The following FAM107B variants were observed in gnomAD, a reference collection of about 807,000 sequenced individuals.
The protein encoded by FAM107B is protein FAM107B.
A neutral mutation model predicts 31.5 loss-of-function variants in FAM107B; 21 were observed. The ratio of observed to expected loss-of-function variants is 0.67; its 90% confidence interval spans 0.47 to 0.96. The LOEUF is 0.96. Ranked by LOEUF, FAM107B falls within the 40% of genes least tolerant of loss-of-function variation. FAM107B has a pLI of 0.00. For missense variants in FAM107B, 452 were observed against 377.1 expected (o/e 1.20, Z -1.64); for synonymous variants, 157 against 141.5 (o/e 1.11, Z -0.78).
At chr10:14,632,304 CAAAAAAAAA>C (rs60289509) in intron 2 of FAM107B, among the ~76,000 whole-genome samples, 3 of 56,586 alleles carry the variant, frequency 5.3e-5, no homozygotes, top group Non-Finnish European at 9.6e-5. Context: ...GACTCTGTCT[CAAAAAAAAA>C]AAAAAAAAAA....
chr10:14,729,223 T>C (rs1856107637), intron 1 of FAM107B, among the ~76,000 whole-genome samples: 1 of 152,108 alleles, frequency 6.6e-6, no homozygotes, highest in African/African-American at 2.4e-5. Context: ...GATTTCAAAC[T>C]CCTGACCTGA....
At chr10:14,632,983 G>C (rs1368440853) in intron 2 of FAM107B, among the ~76,000 whole-genome samples, 1 of 152,122 alleles carries the variant, frequency 6.6e-6, no homozygotes, top group East Asian at 1.9e-4. Flanking sequence ...CAGATCACTC[G>C]AGGTCAGGAG....
chr10:14,715,407 A>G (rs182924719), intron 1 of FAM107B, among the ~76,000 whole-genome samples: 1 of 152,344 alleles, frequency 6.6e-6, no homozygotes, highest in East Asian at 1.9e-4. Flanking sequence ...AAAATATAAG[A>G]AAATTAGATC....
chr10:14,559,573 C>CT (rs113934155), intron 2 of FAM107B, among the ~76,000 whole-genome samples: 44,693 of 143,738 alleles, frequency 0.31, 7,126 homozygotes, highest in East Asian at 0.37. Context: ...TTTCAGAGGA[C>CT]TTTTTTTTTT....
intron 1 of FAM107B, among the ~76,000 whole-genome samples, chr10:14,715,984 A>T (rs532921117): frequency 1.3e-5 from 2 of 152,254 alleles, no homozygotes; most frequent in East Asian, 3.9e-4. Flanking sequence ...CCTCCTTATA[A>T]ATCTACATTT....
At chr10:14,701,925 A>C (rs2131525109) in intron 1 of FAM107B, among the ~76,000 whole-genome samples, 1 of 152,344 alleles carries the variant, frequency 6.6e-6, no homozygotes, top group South Asian at 2.1e-4. Flanking sequence ...AAAATCTAAT[A>C]AGACAATTTT....
chr10:14,543,520 C>T (rs571551053), intron 2 of FAM107B, among the ~76,000 whole-genome samples: 233 of 151,998 alleles, frequency 1.5e-3, no homozygotes, highest in African/African-American at 5.2e-3. Flanking sequence ...AGCCCGTTCT[C>T]CAGGCCAAAC....
intron 2 of FAM107B, among the ~76,000 whole-genome samples, chr10:14,607,417 G>A (rs1307540705): frequency 6.6e-6 from 1 of 152,170 alleles, no homozygotes; most frequent in African/African-American, 2.4e-5. Flanking sequence ...GACCCCTGGA[G>A]CCACTGTGGG....
chr10:14,723,672 T>A lies in FAM107B; in HGVS notation c.411+50581A>T. 4 of 744,616 alleles carry A rather than the reference T, an allele frequency of 5.4e-6. No individual in the cohort carries two copies. The South Asian group carries it at 5.5e-5, about 10-fold the overall frequency. 46.1% of individuals were successfully genotyped at this position (744,616 alleles called of 1,614,324 possible). A position where few individuals can be genotyped will look rare whatever the true frequency, so the allele number is the denominator to read the frequency against. ...ACTCTGCGAGAGGCTGGCAGTCAGC[T>A]CTGGGGTCAGTAACCACAAGAAGTC... On this transcript the variant is annotated intron_variant, in intron 1 of 4. Coordinates refer to ENST00000181796, the MANE Select transcript of FAM107B (RefSeq NM_031453.4).
intron 2 of FAM107B, among the ~76,000 whole-genome samples, chr10:14,539,486 G>C (rs1847963092): frequency 6.6e-6 from 1 of 151,476 alleles, no homozygotes; most frequent in Non-Finnish European, 1.5e-5. Flanking sequence ...CAAAGCCAAA[G>C]TTAAAAAAAA....
In FAM107B at chr10:14,647,814, T is replaced by C. The variant is rs144970718; in HGVS notation, c.469+19820A>G. ...AGTTATATGCCATGGTCTGTACCAA[T>C]GACCAATGCTCTCAGTAAGGGCTGT... is the stretch of plus-strand genomic sequence containing the variant. On this transcript the variant is annotated intron_variant, in intron 2 of 4. Transcript: ENST00000181796. Among the ~76,000 whole-genome samples the C allele has an allele frequency of 6.0e-4, 92 of 152,234 alleles. No homozygotes were observed. In the East Asian group the frequency reaches 0.016, roughly 27 times the overall value.
chr10:14,567,384 AATG>A (rs1187641562), intron 2 of FAM107B, among the ~76,000 whole-genome samples: 1 of 152,092 alleles, frequency 6.6e-6, no homozygotes, highest in African/African-American at 2.4e-5. Flanking sequence ...CCGAGAGTGA[AATG>A]AGAGGAGGAG....
chr10:14,530,051 G>C (rs1846779610), intron 3 of FAM107B: 2 of 315,586 alleles, frequency 6.3e-6, no homozygotes, highest in Admixed American at 9.6e-5. Context: ...CTTTAATCCA[G>C]CCTCTTCCAT....
Position 14,685,455 on chromosome 10 carries a change from A to T in FAM107B, c.412-17764T>A, listed in dbSNP as rs909470485. On this transcript the variant is annotated intron_variant, in intron 1 of 4. Coordinates refer to ENST00000181796, the MANE Select transcript of FAM107B (RefSeq NM_031453.4). ...GTGTGAGCCACTGCACCTGGTCTTG[A>T]TAACTTTTTATGGTGGACAGAGTAG... 2.6e-5 allele frequency among the ~76,000 whole-genome samples: 4 copies of T among 152,114 alleles called. No homozygotes were observed. In the South Asian group the frequency reaches 6.2e-4, roughly 24 times the overall value.
chr10:14,721,769 C>A (rs1855918127), intron 1 of FAM107B, among the ~76,000 whole-genome samples: 1 of 152,144 alleles, frequency 6.6e-6, no homozygotes. Context: ...GGGTAGATTG[C>A]AAAAATTTTC....
intron 1 of FAM107B, among the ~76,000 whole-genome samples, chr10:14,728,933 T>C (rs139167692): frequency 2.0e-4 from 30 of 152,284 alleles, no homozygotes; most frequent in Non-Finnish European, 3.4e-4. Context: ...GCAAGTAAAA[T>C]ACAAGCCAGG....
intron 1 of FAM107B, among the ~76,000 whole-genome samples, chr10:14,736,121 T>G (rs1429106338): frequency 6.6e-6 from 1 of 151,924 alleles, no homozygotes; most frequent in Non-Finnish European, 1.5e-5. Context: ...TGTGGCAAAG[T>G]CTCTAAAACA....
At chr10:14,615,610 G>A (rs1273654767) in intron 2 of FAM107B, among the ~76,000 whole-genome samples, 1 of 152,174 alleles carries the variant, frequency 6.6e-6, no homozygotes, top group Non-Finnish European at 1.5e-5. Flanking sequence ...TCAAATCTTA[G>A]GTCTGCCACA....
At chr10:14,556,209 GA>G (rs1849686985) in intron 2 of FAM107B, 4 of 250,508 alleles carry the variant, frequency 1.6e-5, no homozygotes, top group African/African-American at 4.6e-5. Context: ...GACTAACAAT[GA>G]CTAGCTTAAA....
Sources: gnomAD v4.1 joint callset for allele counts (sites outside exome capture counted in the v4.1 genomes callset) on GRCh38, gnomAD v4.1.1 for gene constraint, MANE v1.5 for transcripts, NCBI Gene and HGNC (gene_info 2026-07-23, HGNC 2026-07-21) for gene names.